The following RAPGEF1 variants were observed in gnomAD, a reference collection of about 807,000 sequenced individuals.
RAPGEF1 encodes CRK SH3-binding GNRP.
In RAPGEF1, 33 loss-of-function variants were observed where a neutral mutation model predicts 143.3. That is an observed-to-expected ratio of 0.23 (90% CI 0.17 to 0.31). The LOEUF is 0.31. Among genes scored for constraint, RAPGEF1 ranks in the 10% least tolerant of loss-of-function variants. The pLI, the probability that RAPGEF1 is intolerant of heterozygous loss-of-function variation, is 1.00. For missense variants in RAPGEF1, 1,199 were observed against 1,645.4 expected, an observed-to-expected ratio of 0.73 and a Z score of 4.69; for synonymous variants, 629 against 676.5, an observed-to-expected ratio of 0.93 and a Z score of 1.09.
At chr9:131,613,199 A>C (rs1463142849) in intron 12 of RAPGEF1, among the ~76,000 whole-genome samples, 3 of 152,192 alleles carry the variant, frequency 2.0e-5, no homozygotes, top group Non-Finnish European at 4.4e-5. Context: ...GGCCCAGGGC[A>C]CTGGGGCAGG....
intron 1 of RAPGEF1, among the ~76,000 whole-genome samples, chr9:131,682,565 T>C (rs1043593921): frequency 2.0e-5 from 3 of 152,222 alleles, no homozygotes; most frequent in Admixed American, 1.3e-4. Flanking sequence ...ACAGGAGTCA[T>C]TGATTCAGAT....
intron 1 of RAPGEF1, among the ~76,000 whole-genome samples, chr9:131,672,644 C>T (rs1831595594): frequency 6.6e-6 from 1 of 152,164 alleles, no homozygotes; most frequent in Admixed American, 6.5e-5. Context: ...ATGACTAGCC[C>T]AGCACAGCCC....
intron 25 of RAPGEF1, among the ~76,000 whole-genome samples, chr9:131,582,206 C>T (rs902331472): frequency 2.2e-4 from 33 of 152,036 alleles, no homozygotes; most frequent in East Asian, 9.6e-4. Flanking sequence ...TGTTCTAATG[C>T]GCAGCCACGT....
intron 12 of RAPGEF1, among the ~76,000 whole-genome samples, chr9:131,613,672 C>T (rs940720176): frequency 2.6e-5 from 4 of 152,150 alleles, no homozygotes; most frequent in African/African-American, 9.7e-5. Context: ...CTGCTATGTG[C>T]CAGGCATGGG....
At chr9:131,735,081 A>G (rs1837330034) in intron 1 of RAPGEF1, among the ~76,000 whole-genome samples, 1 of 152,196 alleles carries the variant, frequency 6.6e-6, no homozygotes. Context: ...TGCTTAACTT[A>G]TGGCCAGCCC....
intron 1 of RAPGEF1, among the ~76,000 whole-genome samples, chr9:131,704,336 T>C (rs1366895299): frequency 6.6e-6 from 1 of 150,836 alleles, no homozygotes; most frequent in African/African-American, 2.4e-5. Context: ...ATTTCTAAAT[T>C]TGCCCCTATG....
chr9:131,611,898 G>A (rs1958068321), intron 12 of RAPGEF1, among the ~76,000 whole-genome samples: 1 of 152,088 alleles, frequency 6.6e-6, no homozygotes, highest in South Asian at 2.1e-4. Flanking sequence ...GTTCAAAAAT[G>A]TTAATCTAAC....
chr9:131,691,375 C>A (rs1406582622), intron 1 of RAPGEF1, among the ~76,000 whole-genome samples: 1 of 152,080 alleles, frequency 6.6e-6, no homozygotes, highest in Non-Finnish European at 1.5e-5. Flanking sequence ...AAACATTACT[C>A]CAATTAGGCT....
chr9:131,598,240 C>G lies in RAPGEF1; in HGVS notation c.2572G>C (p.Asp858His). 6.2e-7 allele frequency: 1 copy of G among 1,614,018 alleles called. No individual in the cohort carries two copies. The highest frequency in any genetic ancestry group is 8.5e-7 in the Non-Finnish European group (1 of 1,179,894). ...EEEVDELSLIDHNEIMSRLTL... is the reference protein window; with the variant it reads ...EEEVDELSLIHHNEIMSRLTL... ...AGCCTGGACATAATTTCGTTGTGGT[C>G]AATGAGGGACAGCTCGTCCACTTCC... is the stretch of plus-strand genomic sequence containing the variant. Residue 858 changes from aspartate (D) to histidine (H), a missense_variant, in exon 16 of 27, where the codon GAC becomes CAC. Coordinates refer to ENST00000683357, the MANE Select transcript of RAPGEF1 (RefSeq NM_001377935.1).
chr9:131,605,311 C>T (rs1956944791), intron 12 of RAPGEF1, 123 bp from the exon 13 acceptor site: 1 of 904,522 alleles, frequency 1.1e-6, no homozygotes. Flanking sequence ...TAACGGGCCA[C>T]CAATCACGCC....
At chr9:131,625,783 G>A in intron 10 of RAPGEF1, 139 bp downstream of exon 10, 1 of 1,157,244 alleles carries the variant, frequency 8.6e-7, no homozygotes, top group South Asian at 1.7e-5. Context: ...GCTCCCAGAA[G>A]TGTCCACATA....
At chr9:131,733,222 A>T (rs1837194448) in intron 1 of RAPGEF1, among the ~76,000 whole-genome samples, 1 of 152,110 alleles carries the variant, frequency 6.6e-6, no homozygotes, top group African/African-American at 2.4e-5. Flanking sequence ...AAGGGCCTGC[A>T]GTCACGCATG....
intron 17 of RAPGEF1, among the ~76,000 whole-genome samples, chr9:131,595,930 C>T (rs749661814): frequency 6.6e-6 from 1 of 152,172 alleles, no homozygotes; most frequent in Admixed American, 6.5e-5. Flanking sequence ...TAGAGTGACT[C>T]AGCAGTCAGG....
chr9:131,657,950 T>C (rs1162092932), intron 1 of RAPGEF1, among the ~76,000 whole-genome samples: 1 of 152,260 alleles, frequency 6.6e-6, no homozygotes, highest in African/African-American at 2.4e-5. Flanking sequence ...ATAGCAGGCC[T>C]GACACTCAGG....
At chr9:131,668,824 G>T (rs1281863936) in intron 1 of RAPGEF1, among the ~76,000 whole-genome samples, 1 of 152,256 alleles carries the variant, frequency 6.6e-6, no homozygotes, top group Admixed American at 6.5e-5. Flanking sequence ...AAACCACAGA[G>T]CAGAGGCCAG....
At chr9:131,661,738 GTA>G (rs1290319231) in intron 1 of RAPGEF1, among the ~76,000 whole-genome samples, 7 of 152,250 alleles carry the variant, frequency 4.6e-5, no homozygotes, top group African/African-American at 1.7e-4. Flanking sequence ...ACAAACAAAT[GTA>G]TTTACCCATG....
chr9:131,667,510 T>G lies in RAPGEF1; in HGVS notation c.62-16561A>C, dbSNP rs1830630764. On this transcript the variant is annotated intron_variant, in intron 1 of 26. Coordinates refer to ENST00000683357, the MANE Select transcript of RAPGEF1 (RefSeq NM_001377935.1). The surrounding 1 kb of genome is among the most constrained non-coding windows in gnomAD (Gnocchi z 4.6). ...CCTCAAGAAATGTCACTGTGCAAGG[T>G]CTGGTGATGGAATGCATGGAAAAAG... Among the ~76,000 whole-genome samples, 1 of 152,038 alleles carries G rather than the reference T, an allele frequency of 6.6e-6. No individual in the cohort carries two copies. Among genetic ancestry groups the G allele is most frequent in the Non-Finnish European group, 1.5e-5 (1 of 67,990 alleles).
Position 131,720,440 on chromosome 9 carries a change from C to T in RAPGEF1, c.61+19330G>A, listed in dbSNP as rs117715141. Among the ~76,000 whole-genome samples, 87 of 152,268 alleles carry T rather than the reference C, an allele frequency of 5.7e-4. 1 individual carries two copies. In the East Asian group the frequency reaches 0.011, roughly 20 times the overall value. On this transcript the variant is annotated intron_variant, in intron 1 of 26. Coordinates refer to ENST00000683357, the MANE Select transcript of RAPGEF1 (RefSeq NM_001377935.1). ...CCCCCACCTCTACCAGCAGTGTCACCCAGGGAACTCGCTAGAGATGCTCAT... is the reference window on the plus strand; with the variant it reads ...CCCCCACCTCTACCAGCAGTGTCACTCAGGGAACTCGCTAGAGATGCTCAT...
At chr9:131,652,374 C>G (rs1299576109) in intron 1 of RAPGEF1, among the ~76,000 whole-genome samples, 1 of 151,834 alleles carries the variant, frequency 6.6e-6, no homozygotes, top group African/African-American at 2.4e-5. Flanking sequence ...CTCAGCCTCT[C>G]GAGTGGCTAG....
Sources: allele counts gnomAD v4.1 joint callset (sites outside exome capture counted in the v4.1 genomes callset), GRCh38; gene constraint gnomAD v4.1.1; non-coding constraint Gnocchi (gnomAD v3.1); transcripts MANE v1.5; gene names NCBI Gene and HGNC (gene_info 2026-07-23, HGNC 2026-07-21).